The following FAM20A variants were observed in gnomAD, a reference collection of about 807,000 sequenced individuals.
FAM20A encodes FAM20A golgi associated secretory pathway pseudokinase, also known as pseudokinase FAM20A.
Under a neutral mutation model 52.0 loss-of-function variants are expected in FAM20A, and 42 were observed. That is an observed-to-expected ratio of 0.81 (90% CI 0.63 to 1.04). FAM20A has a LOEUF of 1.04. Among genes scored for constraint, FAM20A ranks in the 50% least tolerant of loss-of-function variants. FAM20A has a pLI of 0.00. For synonymous variants in FAM20A, 304 were observed against 298.9 expected, an observed-to-expected ratio of 1.02 and a Z score of -0.18; for missense variants, 742 against 712.7, an observed-to-expected ratio of 1.04 and a Z score of -0.47.
chr17:68,569,354 A>T (rs529140613), intron 1 of FAM20A, among the ~76,000 whole-genome samples: 71 of 152,286 alleles, frequency 4.7e-4, no homozygotes, highest in African/African-American at 1.7e-3. Flanking sequence ...GGACTTTTCC[A>T]ATAGCCTCCT....
At chr17:68,584,774 T>C (rs1475132444) in intron 1 of FAM20A, among the ~76,000 whole-genome samples, 2 of 152,204 alleles carry the variant, frequency 1.3e-5, no homozygotes, top group Non-Finnish European at 2.9e-5. Context: ...TCTTCACAAC[T>C]GCCAAAAAGA....
intron 8 of FAM20A, 39 bp from the exon 9 acceptor site, chr17:68,540,005 CA>C (rs1568718832): frequency 1.3e-6 from 2 of 1,574,572 alleles, no homozygotes; most frequent in African/African-American, 2.7e-5. Flanking sequence ...ACCAGCAGGC[CA>C]GGGGGACAGG....
chr17:68,552,127 G>A (rs2086864111), intron 3 of FAM20A, among the ~76,000 whole-genome samples, 176 bp from the exon 4 acceptor site: 1 of 152,140 alleles, frequency 6.6e-6, no homozygotes, highest in African/African-American at 2.4e-5. Context: ...AGGCCGTAGT[G>A]ACGGTGTCCA....
At position 68,600,789 on chromosome 17, in the gene FAM20A, C is replaced by A; in HGVS notation, c.-123G>T. The A allele has an allele frequency of 9.2e-7, 1 of 1,091,888 alleles. No homozygotes were observed. Among genetic ancestry groups the A allele is most frequent in the South Asian group, 1.6e-5 (1 of 61,256 alleles). The allele number at this position is 1,091,888 out of a possible 1,614,324, so 67.6% of individuals were successfully genotyped here. ...GCGGGTGGGCCGGGGTCAGTGAGAC[C>A]GGAATGCTCCCCGCGCGGGCTAGTC... On this transcript the variant is annotated 5_prime_UTR_variant, in exon 1 of 11. Transcript: ENST00000592554. This position sits in a 1 kb window ranked among gnomAD's most constrained non-coding sequence, Gnocchi z 6.2.
intron 1 of FAM20A, among the ~76,000 whole-genome samples, chr17:68,568,329 G>A (rs181951437): frequency 2.6e-5 from 4 of 151,716 alleles, no homozygotes; most frequent in African/African-American, 7.3e-5. Context: ...TTAGCTAGGC[G>A]TGGTGGTGGG....
At position 68,551,066 on chromosome 17, in the gene FAM20A, C is replaced by T. The variant is rs546622852; in HGVS notation, c.719+807G>A. On this transcript the variant is annotated intron_variant, in intron 4 of 10. Transcript: ENST00000592554. ...TTGGGTAACGTGGCCCCTCTTGGGG[C>T]GATTTTCTTTTCTGCAGGTCACCTC... The T allele has an allele frequency of 2.9e-5, 36 of 1,234,194 alleles. 1 individual carries two copies. Among genetic ancestry groups the T allele is most frequent in the East Asian group, 1.9e-4 (6 of 31,686 alleles). 76.5% of individuals were successfully genotyped at this position (1,234,194 alleles called of 1,614,324 possible). A position where few individuals can be genotyped will look rare whatever the true frequency, so the allele number is the denominator to read the frequency against.
chr17:68,591,582 TAG>T (rs1451753195), intron 1 of FAM20A, among the ~76,000 whole-genome samples: 3 of 152,238 alleles, frequency 2.0e-5, no homozygotes, highest in Admixed American at 2.0e-4. Flanking sequence ...TTGCTAGTGA[TAG>T]AGACAGGAGA....
chr17:68,541,864 TG>T, intron 7 of FAM20A, 120 bp downstream of exon 7: 1 of 1,182,932 alleles, frequency 8.5e-7, no homozygotes, highest in Non-Finnish European at 1.2e-6. Context: ...CAATATGAAA[TG>T]GGGCAAAGGA....
At chr17:68,566,576 A>T (rs2087383480) in intron 1 of FAM20A, among the ~76,000 whole-genome samples, 1 of 152,248 alleles carries the variant, frequency 6.6e-6, no homozygotes, top group Non-Finnish European at 1.5e-5. Flanking sequence ...ATGCTACAGC[A>T]GGGTCAAAGA....
At chr17:68,589,918 A>G (rs1292419303) in intron 1 of FAM20A, among the ~76,000 whole-genome samples, 1 of 152,200 alleles carries the variant, frequency 6.6e-6, no homozygotes, top group Non-Finnish European at 1.5e-5. Flanking sequence ...TTATTTTGGT[A>G]GCAGAGTATT....
At chr17:68,592,578 C>T (rs945942258) in intron 1 of FAM20A, among the ~76,000 whole-genome samples, 6 of 152,174 alleles carry the variant, frequency 3.9e-5, no homozygotes, top group African/African-American at 1.4e-4. Context: ...CTTCACTTGC[C>T]AGGGCTGAAC....
Position 68,600,510 on chromosome 17 carries a change from G to A in FAM20A, c.157C>T (p.Leu53=). ...GCAGCTGCGGCCGAGTCCCGCGCCA[G>A]GGAGGAGGCGCGGCCGGTGCACGGG... ...GCPCTGRASS[L]ARDSAAAASD... Residue 53 remains leucine, a synonymous_variant, in exon 1 of 11, where the codon CTG becomes TTG. Coordinates refer to ENST00000592554, the MANE Select transcript of FAM20A (RefSeq NM_017565.4). The surrounding 1 kb of genome is among the most constrained non-coding windows in gnomAD (Gnocchi z 6.2). 1 of 1,582,858 alleles carries A rather than the reference G, an allele frequency of 6.3e-7. No homozygotes were observed. Among genetic ancestry groups the A allele is most frequent in the Non-Finnish European group, 8.6e-7 (1 of 1,164,860 alleles).
chr17:68,541,097 A>C, intron 7 of FAM20A, 139 bp from the exon 8 acceptor site: 1 of 1,337,414 alleles, frequency 7.5e-7, no homozygotes, highest in Non-Finnish European at 1.0e-6. Flanking sequence ...AAAATTCAGA[A>C]AGGCCCTGGG....
At chr17:68,561,591 C>CTTTTT (rs5821662) in intron 1 of FAM20A, among the ~76,000 whole-genome samples, 7 of 128,932 alleles carry the variant, frequency 5.4e-5, no homozygotes, top group African/African-American at 2.0e-4. Flanking sequence ...TTTGATTGCT[C>CTTTTT]TTTTTTTTTT....
chr17:68,553,338 T>A (rs974175858), intron 3 of FAM20A, among the ~76,000 whole-genome samples: 2 of 152,190 alleles, frequency 1.3e-5, no homozygotes, highest in Non-Finnish European at 2.9e-5. Flanking sequence ...TAAACCTCTT[T>A]CCTTTATAAA....
Position 68,600,482 on chromosome 17 carries a change from G to T in FAM20A, c.185C>A (p.Ser62Ter). Residue 62 changes from serine (S) to a stop codon, truncating the protein, a stop_gained, in exon 1 of 11, where the codon TCG becomes TAG. Transcript: ENST00000592554. LOFTEE classifies it high-confidence loss of function. This position sits in a 1 kb window ranked among gnomAD's most constrained non-coding sequence, Gnocchi z 6.2. ...SLARDSAAAA[S>*]DPGTIVHNFS... The stretch of plus-strand genomic sequence containing the variant: ...GTTGTGCACGATCGTGCCGGGGTCC[G>T]AGGCAGCTGCGGCCGAGTCCCGCGC... 6.2e-7 allele frequency: 1 copy of T among 1,602,484 alleles called. No individual in the cohort carries two copies. The highest frequency in any genetic ancestry group is 8.5e-7 in the Non-Finnish European group (1 of 1,174,950).
Position 68,553,399 on chromosome 17 carries a change from A to T in FAM20A, c.640+1378T>A, listed in dbSNP as rs77619342. On this transcript the variant is annotated intron_variant, in intron 3 of 10. Transcript: ENST00000592554. ...GAGCAGTGTAAAAATGGACTAATAC[A>T]TTTTGACACACACCATCAGATGTAG... is the stretch of plus-strand genomic sequence containing the variant. Among the ~76,000 whole-genome samples, 137 of 152,310 alleles carry T rather than the reference A, an allele frequency of 9.0e-4. 1 individual carries two copies. The highest frequency in any genetic ancestry group is 3.3e-3 in the African/African-American group (137 of 41,568).
At chr17:68,564,265 T>C (rs964255283) in intron 1 of FAM20A, among the ~76,000 whole-genome samples, 3 of 152,148 alleles carry the variant, frequency 2.0e-5, no homozygotes, top group Non-Finnish European at 4.4e-5. Context: ...TTGTGGGAAA[T>C]GGGGAATGCT....
intron 1 of FAM20A, among the ~76,000 whole-genome samples, chr17:68,556,506 T>TG (rs1438873239): frequency 6.7e-6 from 1 of 149,054 alleles, no homozygotes; most frequent in Non-Finnish European, 1.5e-5. Flanking sequence ...GATGAATCTA[T>TG]GATGAAGTAG....
Sources: allele counts gnomAD v4.1 joint callset (sites outside exome capture counted in the v4.1 genomes callset), GRCh38; gene constraint gnomAD v4.1.1; non-coding constraint Gnocchi (gnomAD v3.1); transcripts MANE v1.5; gene names NCBI Gene and HGNC (gene_info 2026-07-23, HGNC 2026-07-21).